Variants in KIFAP3 observed in about 807,000 individuals in gnomAD.
The protein encoded by KIFAP3 is kinesin-associated protein 3.
Under a neutral mutation model 106.5 loss-of-function variants are expected in KIFAP3, and 68 were observed. That is an observed-to-expected ratio of 0.64 (90% CI 0.53 to 0.78). KIFAP3 has a LOEUF of 0.78. Among genes scored for constraint, KIFAP3 ranks in the 30% least tolerant of loss-of-function variants. The pLI is 0.00. For missense variants in KIFAP3, 780 were observed against 941.8 expected (o/e 0.83, Z 2.25); for synonymous variants, 320 against 311.5 (o/e 1.03, Z -0.29).
chr1:170,045,525 T>A (rs951218589), intron 3 of KIFAP3, among the ~76,000 whole-genome samples: 1 of 152,198 alleles, frequency 6.6e-6, no homozygotes, highest in Non-Finnish European at 1.5e-5. Flanking sequence ...ATAACACTTA[T>A]TTTGCAAATA....
rs1198318107 is a variant in KIFAP3 at position 169,954,065 on chromosome 1, T to C, written c.2219A>G (p.Asn740Ser). 24 of 1,613,640 alleles carry C rather than the reference T, an allele frequency of 1.5e-5. No individual in the cohort carries two copies. The highest frequency in any genetic ancestry group is 1.9e-5 in the Non-Finnish European group (22 of 1,179,770). The change falls in exon 19 of 20, where the codon AAT becomes AGT. Residue 740 changes from asparagine to serine, a missense_variant. Coordinates refer to ENST00000361580, the MANE Select transcript of KIFAP3 (RefSeq NM_014970.4). ...ATCTCCATTTTGAAGGTGGTAATCA[T>C]TGAAGAAATCGGGACTTATGGCTCC... ...SEGAISPDFF[N>S]DYHLQNGDVV...
At chr1:170,058,770 T>C (rs776816859) in intron 1 of KIFAP3, among the ~76,000 whole-genome samples, 2 of 152,008 alleles carry the variant, frequency 1.3e-5, no homozygotes, top group Non-Finnish European at 2.9e-5. Context: ...CAGAACTGTC[T>C]AGGGCAAAGA....
intron 10 of KIFAP3, among the ~76,000 whole-genome samples, chr1:170,003,748 A>G (rs1667787920): frequency 6.6e-6 from 1 of 152,234 alleles, no homozygotes; most frequent in African/African-American, 2.4e-5. Context: ...ACCACAGCCA[A>G]TATCATACTG....
intron 1 of KIFAP3, among the ~76,000 whole-genome samples, chr1:170,069,935 C>T (rs1337661765): frequency 1.3e-5 from 2 of 151,820 alleles, no homozygotes; most frequent in East Asian, 1.9e-4. Context: ...AAAAATGGCA[C>T]AAAAAACTGG....
intron 18 of KIFAP3, among the ~76,000 whole-genome samples, chr1:169,955,218 T>G (rs1664944207): frequency 6.6e-6 from 1 of 152,186 alleles, no homozygotes; most frequent in Non-Finnish European, 1.5e-5. Flanking sequence ...AGGCAAATTA[T>G]TCAATCACCA....
intron 1 of KIFAP3, among the ~76,000 whole-genome samples, chr1:170,081,443 A>G (rs1239089836): frequency 1.3e-5 from 2 of 152,220 alleles, no homozygotes; most frequent in South Asian, 4.1e-4. Flanking sequence ...TCTGTAGATC[A>G]GAAGTCTGCA....
intron 15 of KIFAP3, among the ~76,000 whole-genome samples, chr1:169,979,380 C>A (rs542364648): frequency 1.5e-4 from 23 of 152,012 alleles, no homozygotes; most frequent in African/African-American, 5.1e-4. Flanking sequence ...AGGAATACTT[C>A]AAATATGGGG....
chr1:169,936,578 T>C (rs76469338), intron 19 of KIFAP3, among the ~76,000 whole-genome samples: 4,032 of 151,922 alleles, frequency 0.027, 99 homozygotes, highest in South Asian at 0.093. Flanking sequence ...TGTCAAATAT[T>C]GTACTGCTTA....
chr1:170,025,965 G>A (rs1301184611), intron 8 of KIFAP3, among the ~76,000 whole-genome samples: 1 of 152,148 alleles, frequency 6.6e-6, no homozygotes, highest in African/African-American at 2.4e-5. Context: ...ATTGGTTATG[G>A]TGAGGTAATA....
intron 10 of KIFAP3, among the ~76,000 whole-genome samples, chr1:169,994,420 T>C (rs1339821467): frequency 1.3e-5 from 2 of 152,194 alleles, no homozygotes; most frequent in Admixed American, 6.5e-5. Flanking sequence ...TGATAAACAC[T>C]GATATATGAG....
In KIFAP3 at chr1:170,041,615, C is replaced by T. The variant is rs1208532525; in HGVS notation, c.320-2327G>A. 2.2e-6 allele frequency: 3 copies of T among 1,373,506 alleles called. No homozygotes were observed. In the African/African-American group the frequency reaches 4.3e-5, roughly 20 times the overall value. 85.1% of individuals were successfully genotyped at this position (1,373,506 alleles called of 1,614,324 possible). On this transcript the variant is annotated intron_variant, in intron 3 of 19. Transcript: ENST00000361580. ...GCCCGGAGATGAGTCCAAGTGGCTG[C>T]CTGGCTTCTTTAAGCCAGGGGCTGT...
chr1:170,027,225 G>A (rs866243159), intron 8 of KIFAP3, among the ~76,000 whole-genome samples: 2 of 151,916 alleles, frequency 1.3e-5, no homozygotes, highest in Non-Finnish European at 2.9e-5. Flanking sequence ...TCACCATGTT[G>A]GTCAGGCTGG....
At chr1:169,973,712 A>G (rs78290212) in intron 16 of KIFAP3, among the ~76,000 whole-genome samples, 2,667 of 151,940 alleles carry the variant, frequency 0.018, 76 homozygotes, top group African/African-American at 0.059. Context: ...GCTGGGGGAA[A>G]TAACTGTCAA....
chr1:170,041,623 C>A, intron 3 of KIFAP3: 1 of 1,443,250 alleles, frequency 6.9e-7, no homozygotes, highest in Non-Finnish European at 9.4e-7. Context: ...TGCCTGGCTT[C>A]TTTAAGCCAG....
At chr1:170,076,292 T>G (rs1430154867), upstream of KIFAP3, among the ~76,000 whole-genome samples, 2 of 151,734 alleles carry the variant, frequency 1.3e-5, no homozygotes, top group Non-Finnish European at 2.9e-5. Context: ...ACCAGAGCAA[T>G]AAATAGATAG....
intron 18 of KIFAP3, among the ~76,000 whole-genome samples, chr1:169,957,293 A>AT (rs1665068695): frequency 6.6e-6 from 1 of 152,214 alleles, no homozygotes; most frequent in Non-Finnish European, 1.5e-5. Context: ...GATATACACC[A>AT]TAACACTCTA....
intron 2 of KIFAP3, among the ~76,000 whole-genome samples, chr1:170,050,483 A>G (rs1467031909): frequency 6.6e-6 from 1 of 152,186 alleles, no homozygotes; most frequent in Non-Finnish European, 1.5e-5. Flanking sequence ...AATTCAGGAA[A>G]TACAGAGAAC....
chr1:170,078,956 G>A (rs1348453240), upstream of KIFAP3, among the ~76,000 whole-genome samples: 1 of 152,038 alleles, frequency 6.6e-6, no homozygotes, highest in Admixed American at 6.5e-5. Context: ...GACCAAATGG[G>A]GTTTATCCCA....
chr1:169,931,558 G>C (rs1045661901), intron 19 of KIFAP3, among the ~76,000 whole-genome samples: 1 of 152,106 alleles, frequency 6.6e-6, no homozygotes, highest in Non-Finnish European at 1.5e-5. Context: ...TCTTGAAATT[G>C]GCAGTTCTAT....
Sources: gnomAD v4.1 joint callset for allele counts (sites outside exome capture counted in the v4.1 genomes callset) on GRCh38, gnomAD v4.1.1 for gene constraint, MANE v1.5 for transcripts, NCBI Gene and HGNC (gene_info 2026-07-23, HGNC 2026-07-21) for gene names.